The following MAN2A1 variants were observed in gnomAD, a reference collection of about 807,000 sequenced individuals.
The protein encoded by MAN2A1 is alpha-mannosidase 2.
Under a neutral mutation model 142.6 loss-of-function variants are expected in MAN2A1, and 76 were observed. The observed-to-expected ratio is 0.53, with a 90% confidence interval of 0.44 to 0.65. The LOEUF is 0.65. Among genes scored for constraint, MAN2A1 ranks in the 30% least tolerant of loss-of-function variants. The pLI is 0.00. For missense variants in MAN2A1, 1,311 were observed against 1,365.1 expected, an observed-to-expected ratio of 0.96 and a Z score of 0.62; for synonymous variants, 559 against 473.2, an observed-to-expected ratio of 1.18 and a Z score of -2.35.
At chr5:109,845,703 A>T (rs183503568) in intron 17 of MAN2A1, among the ~76,000 whole-genome samples, 162 bp from the exon 18 acceptor site, 1 of 152,286 alleles carries the variant, frequency 6.6e-6, no homozygotes, top group Admixed American at 6.5e-5. Flanking sequence ...GTTTTTCTTC[A>T]TATTGTTTTA....
chr5:109,738,231 ATG>A (rs1178470541), intron 4 of MAN2A1, among the ~76,000 whole-genome samples: 1 of 103,988 alleles, frequency 9.6e-6, no homozygotes, highest in African/African-American at 3.9e-5. Flanking sequence ...TGGGTATTTT[ATG>A]TTTTTTTTTT....
chr5:109,708,509 G>GAGACACACACACACACACACACACACAC (rs1554072321), intron 1 of MAN2A1, among the ~76,000 whole-genome samples: 17 of 124,608 alleles, frequency 1.4e-4, no homozygotes, highest in African/African-American at 5.3e-4. Context: ...GAACTGATAG[G>GAGACACACACACACACACACACACACAC]ACACACACAC....
At chr5:109,847,256 T>C (rs1755366492) in intron 18 of MAN2A1, among the ~76,000 whole-genome samples, 1 of 152,166 alleles carries the variant, frequency 6.6e-6, no homozygotes, top group South Asian at 2.1e-4. Context: ...TTCCTGGAAA[T>C]GTGATGTACA....
chr5:109,703,008 A>G (rs979331246), intron 1 of MAN2A1, among the ~76,000 whole-genome samples: 1 of 152,222 alleles, frequency 6.6e-6, no homozygotes, highest in African/African-American at 2.4e-5. Context: ...TGTCAATAAG[A>G]AATAGAAGGG....
In MAN2A1 at chr5:109,855,145, A is replaced by C; in HGVS notation, c.2982A>C (p.Glu994Asp). Residue 994 changes from glutamate (E) to aspartate (D), a missense_variant, in exon 20 of 22, where the codon GAA (glutamate) becomes GAC (aspartate). Glu to Asp is a conservative substitution (Grantham distance 45, BLOSUM62 2). Transcript: ENST00000261483. Reference sequence around the variant, plus strand: ...TTTTTGTTTTTTCTTGATAGGAAGAAGAAAAGAAGTCGGTCAGTTATCCTT... The same window carrying C: ...TTTTTGTTTTTTCTTGATAGGAAGACGAAAAGAAGTCGGTCAGTTATCCTT... Reference protein sequence around the residue: ...LEKRSAVNTEEEKKSVSYPSL... With the variant: ...LEKRSAVNTEDEKKSVSYPSL... 1 of 1,536,640 alleles carries C rather than the reference A, an allele frequency of 6.5e-7. No homozygotes were observed. The highest frequency in any genetic ancestry group is 8.7e-7 in the Non-Finnish European group (1 of 1,149,410).
In MAN2A1 at chr5:109,716,199, A is replaced by C. The variant is rs773627222; in HGVS notation, c.470A>C (p.Glu157Ala). ...VWKQGFDITY[E>A]SNEWDTEPLQ... ...AAGCAAGGATTTGACATTACTTATG[A>C]ATCTAATGAATGGGACACTGAACCC... is the stretch of plus-strand genomic sequence containing the variant. The change falls in exon 3 of 22, where the codon GAA becomes GCA. Residue 157 changes from glutamate to alanine, a missense_variant. Coordinates refer to ENST00000261483, the MANE Select transcript of MAN2A1 (RefSeq NM_002372.4). The C allele has an allele frequency of 1.9e-6, 3 of 1,611,614 alleles. No homozygotes were observed. The African/African-American group carries it at 4.0e-5, about 22-fold the overall frequency.
chr5:109,837,991 A>T (rs936218178), intron 16 of MAN2A1, among the ~76,000 whole-genome samples: 1 of 152,060 alleles, frequency 6.6e-6, no homozygotes, highest in Non-Finnish European at 1.5e-5. Flanking sequence ...TGTTGTTAAG[A>T]ACTGGAATGC....
chr5:109,845,501 T>C (rs929237134), intron 17 of MAN2A1, among the ~76,000 whole-genome samples: 2 of 152,184 alleles, frequency 1.3e-5, no homozygotes, highest in Non-Finnish European at 2.9e-5. Flanking sequence ...TTAGCATTCA[T>C]TACAAAAGCA....
At chr5:109,798,119 G>T (rs1405655499) in intron 12 of MAN2A1, among the ~76,000 whole-genome samples, 4 of 152,178 alleles carry the variant, frequency 2.6e-5, no homozygotes, top group Non-Finnish European at 4.4e-5. Context: ...CAATTTTATT[G>T]TCAAACTAAA....
In MAN2A1 at chr5:109,788,975, A is replaced by G. The variant is rs1398596551; in HGVS notation, c.1802A>G (p.Asn601Ser). ...ATGGTTTTGGAGAAGATAATTGGAA[A>G]TTCTGCATTTCTTCTTATTTTGAAG... ...SLMVLEKIIG[N>S]SAFLLILKDK... Residue 601 changes from asparagine (N) to serine (S), a missense_variant, in exon 11 of 22, where the codon AAT becomes AGT. Coordinates refer to ENST00000261483, the MANE Select transcript of MAN2A1 (RefSeq NM_002372.4). 8.1e-6 allele frequency: 13 copies of G among 1,605,176 alleles called. No homozygotes were observed. The highest frequency in any genetic ancestry group is 1.1e-5 in the Non-Finnish European group (13 of 1,173,386).
chr5:109,782,731 T>C (rs1311616410), intron 9 of MAN2A1, among the ~76,000 whole-genome samples: 1 of 152,138 alleles, frequency 6.6e-6, no homozygotes, highest in Non-Finnish European at 1.5e-5. Flanking sequence ...AACCTTTTAC[T>C]GTTACTCGTA....
intron 16 of MAN2A1, among the ~76,000 whole-genome samples, chr5:109,834,644 C>A (rs944379738): frequency 1.3e-5 from 2 of 151,912 alleles, no homozygotes; most frequent in African/African-American, 4.8e-5. Flanking sequence ...ACACTAGTGC[C>A]TAACTCATAA....
At chr5:109,720,071 G>A (rs985841536) in intron 3 of MAN2A1, among the ~76,000 whole-genome samples, 5 of 152,130 alleles carry the variant, frequency 3.3e-5, no homozygotes. Flanking sequence ...CAGCACCTCT[G>A]TATCTATAAT....
intron 4 of MAN2A1, among the ~76,000 whole-genome samples, chr5:109,741,205 A>G (rs949919089): frequency 1.3e-5 from 2 of 152,164 alleles, no homozygotes; most frequent in African/African-American, 2.4e-5. Context: ...AAATGGTTTT[A>G]TAGCCAGATT....
chr5:109,845,192 T>G (rs1755315573), intron 17 of MAN2A1, among the ~76,000 whole-genome samples: 1 of 152,204 alleles, frequency 6.6e-6, no homozygotes, highest in Admixed American at 6.5e-5. Context: ...AATAGGGTTC[T>G]GAGCTTAGAG....
intron 10 of MAN2A1, 85 bp downstream of exon 10, chr5:109,785,011 T>C (rs533565333): frequency 2.0e-6 from 2 of 981,290 alleles, no homozygotes; most frequent in Admixed American, 5.5e-5. Flanking sequence ...AAGTTGTTAG[T>C]GTATATCAAA....
At chr5:109,704,729 G>A (rs1319704916) in intron 1 of MAN2A1, among the ~76,000 whole-genome samples, 2 of 152,182 alleles carry the variant, frequency 1.3e-5, no homozygotes, top group South Asian at 2.1e-4. Flanking sequence ...CAGCAATAAC[G>A]ATGACACCCC....
At chr5:109,701,581 A>G (rs1750984580) in intron 1 of MAN2A1, among the ~76,000 whole-genome samples, 1 of 152,182 alleles carries the variant, frequency 6.6e-6, no homozygotes, top group Non-Finnish European at 1.5e-5. Context: ...GAGCTAAGAG[A>G]ATATTCAATC....
chr5:109,799,273 T>C (rs932652338), intron 12 of MAN2A1, among the ~76,000 whole-genome samples: 1 of 152,192 alleles, frequency 6.6e-6, no homozygotes, highest in Admixed American at 6.5e-5. Flanking sequence ...CTAGACTCTT[T>C]AACGTGGCTT....
Sources: gnomAD v4.1 joint callset for allele counts (sites outside exome capture counted in the v4.1 genomes callset) on GRCh38, gnomAD v4.1.1 for gene constraint, MANE v1.5 for transcripts, NCBI Gene and HGNC (gene_info 2026-07-23, HGNC 2026-07-21) for gene names.